CDH18: variants seen among roughly 807,000 people sequenced by gnomAD.
CDH18 encodes the protein cadherin-18.
A neutral mutation model predicts 67.9 loss-of-function variants in CDH18; 31 were observed. The ratio of observed to expected loss-of-function variants is 0.46; its 90% CI spans 0.34 to 0.62. The LOEUF (loss-of-function observed/expected upper bound fraction) is 0.62, where lower values mean the gene tolerates loss of function less well. CDH18 is among the 20% of genes least tolerant of loss of function. CDH18 has a pLI of 0.01. For missense variants in CDH18, 890 were observed against 975.5 expected (o/e 0.91, Z 1.17); for synonymous variants, 362 against 347.2 (o/e 1.04, Z -0.48).
chr5:20,489,546 C>A (rs1753455736), intron 1 of CDH18, among the ~76,000 whole-genome samples: 1 of 151,882 alleles, frequency 6.6e-6, no homozygotes, highest in Admixed American at 6.6e-5. Flanking sequence ...AATTATGTGA[C>A]CTGTTTATTA....
chr5:20,064,398 G>A (rs1256233932), intron 2 of CDH18, among the ~76,000 whole-genome samples: 6 of 152,222 alleles, frequency 3.9e-5, no homozygotes, highest in African/African-American at 1.4e-4. Context: ...ATTTATCTTG[G>A]TTCTTGTTTC....
At chr5:20,321,751 G>A (rs1738044474) in intron 1 of CDH18, among the ~76,000 whole-genome samples, 1 of 150,304 alleles carries the variant, frequency 6.7e-6, no homozygotes, top group Admixed American at 6.6e-5. Context: ...CATAGCTATT[G>A]TCCCCTGTAC....
intron 2 of CDH18, among the ~76,000 whole-genome samples, chr5:20,106,024 T>C (rs912364163): frequency 1.3e-5 from 2 of 152,126 alleles, no homozygotes; most frequent in South Asian, 2.1e-4. Flanking sequence ...TCTGTTCTAT[T>C]GTGTGTGTGT....
intron 1 of CDH18, among the ~76,000 whole-genome samples, chr5:20,374,118 G>A (rs971686744): frequency 6.6e-6 from 1 of 152,078 alleles, no homozygotes; most frequent in South Asian, 2.1e-4. Flanking sequence ...ACCTAGAAAG[G>A]CCAAGTTCCC....
chr5:20,555,204 G>T (rs897940475), intron 1 of CDH18, among the ~76,000 whole-genome samples: 1 of 151,978 alleles, frequency 6.6e-6, no homozygotes, highest in Non-Finnish European at 1.5e-5. Context: ...TTAAGTCATG[G>T]GAGCATGCAT....
intron 9 of CDH18, among the ~76,000 whole-genome samples, chr5:19,524,675 T>C (rs2126932876): frequency 6.6e-6 from 1 of 152,260 alleles, no homozygotes. Flanking sequence ...TTTAAAAATC[T>C]GGGGTAAGAA....
At chr5:19,902,446 C>A (rs1358054338) in intron 2 of CDH18, among the ~76,000 whole-genome samples, 1 of 152,124 alleles carries the variant, frequency 6.6e-6, no homozygotes, top group Non-Finnish European at 1.5e-5. Context: ...AGTGGCCTTA[C>A]AGAGGAGCTC....
chr5:19,491,932 T>G (rs1322562962), intron 11 of CDH18, among the ~76,000 whole-genome samples: 1 of 152,090 alleles, frequency 6.6e-6, no homozygotes, highest in Non-Finnish European at 1.5e-5. Context: ...TTTTTTCTTG[T>G]CTTAGAAATA....
intron 2 of CDH18, among the ~76,000 whole-genome samples, chr5:19,924,184 G>A (rs1184528673): frequency 6.6e-6 from 1 of 151,960 alleles, no homozygotes. Context: ...AATCAGGGGA[G>A]AGGTAAGCTT....
intron 1 of CDH18, among the ~76,000 whole-genome samples, chr5:20,502,919 A>G (rs921250766): frequency 2.0e-5 from 3 of 152,190 alleles, no homozygotes; most frequent in Admixed American, 6.5e-5. Flanking sequence ...AGGCACCTCA[A>G]TGAAAACATT....
chr5:19,489,315 T>G (rs187828786), intron 11 of CDH18, among the ~76,000 whole-genome samples: 6 of 150,830 alleles, frequency 4.0e-5, no homozygotes, highest in Admixed American at 2.0e-4. Flanking sequence ...TGGTGCAATC[T>G]TGGCTCACTG....
chr5:19,641,131 T>C lies in CDH18; in HGVS notation c.644-28530A>G, dbSNP rs1753925886. Among the ~76,000 whole-genome samples, 5 of 123,602 alleles carry C rather than the reference T, an allele frequency of 4.0e-5. No individual in the cohort carries two copies. In the South Asian group the frequency reaches 1.4e-3, roughly 33 times the overall value. The allele number at this position is 123,602 out of a possible 152,430, so 81.1% of individuals were successfully genotyped here. ...CTAGAAATACATACAACTTACCGAATCTAAATTTTTCAAAAAAAAAAAAAA... is the reference window on the plus strand; with the variant it reads ...CTAGAAATACATACAACTTACCGAACCTAAATTTTTCAAAAAAAAAAAAAA... On this transcript the variant is annotated intron_variant, in intron 5 of 12. Transcript: ENST00000382275.
chr5:20,038,018 A>G (rs538679526), intron 2 of CDH18, among the ~76,000 whole-genome samples: 2 of 152,262 alleles, frequency 1.3e-5, no homozygotes, highest in South Asian at 4.1e-4. Flanking sequence ...TAAAAGGGAT[A>G]TCACCACTTA....
At chr5:20,205,635 A>G (rs986372257) in intron 2 of CDH18, among the ~76,000 whole-genome samples, 4 of 151,906 alleles carry the variant, frequency 2.6e-5, no homozygotes, top group African/African-American at 9.7e-5. Context: ...AAATCTCAAC[A>G]AATTGAAAAA....
chr5:19,912,625 T>G (rs1791280335), intron 2 of CDH18, among the ~76,000 whole-genome samples: 1 of 152,218 alleles, frequency 6.6e-6, no homozygotes, highest in African/African-American at 2.4e-5. Context: ...GCTAATGAGC[T>G]ATTTCATCTT....
chr5:20,188,063 AT>A (rs1580435269), intron 2 of CDH18, among the ~76,000 whole-genome samples: 1 of 152,044 alleles, frequency 6.6e-6, no homozygotes, highest in South Asian at 2.1e-4. Flanking sequence ...CCACATATTG[AT>A]GTAACTAACA....
intron 5 of CDH18, among the ~76,000 whole-genome samples, chr5:19,660,537 A>G (rs1385679200): frequency 6.6e-6 from 1 of 152,154 alleles, no homozygotes; most frequent in African/African-American, 2.4e-5. Context: ...TATTATTTAC[A>G]GTTTCTTTTA....
chr5:20,095,164 G>A (rs1745781560), intron 2 of CDH18, among the ~76,000 whole-genome samples: 1 of 151,658 alleles, frequency 6.6e-6, no homozygotes, highest in Non-Finnish European at 1.5e-5. Context: ...GGGGGATGAG[G>A]GGCAAGGGAG....
At chr5:19,696,779 G>A (rs1762598070) in intron 5 of CDH18, among the ~76,000 whole-genome samples, 1 of 152,048 alleles carries the variant, frequency 6.6e-6, no homozygotes, top group South Asian at 2.1e-4. Flanking sequence ...GTTCTCCATA[G>A]GACTGAATGC....
Sources: gnomAD v4.1 joint callset for allele counts (sites outside exome capture counted in the v4.1 genomes callset) on GRCh38, gnomAD v4.1.1 for gene constraint, MANE v1.5 for transcripts, NCBI Gene and HGNC (gene_info 2026-07-23, HGNC 2026-07-21) for gene names.